Variants in GALNTL6 observed in about 807,000 individuals in gnomAD.
GALNTL6 encodes the protein polypeptide N-acetylgalactosaminyltransferase like 6, also known as polypeptide N-acetylgalactosaminyltransferase-like 6.
In GALNTL6, 46 loss-of-function variants were observed where a neutral mutation model predicts 73.7. The ratio of observed to expected loss-of-function variants is 0.62; its 90% CI spans 0.49 to 0.80. The LOEUF (loss-of-function observed/expected upper bound fraction) is 0.80, where lower values mean the gene tolerates loss of function less well. Among genes scored for constraint, GALNTL6 ranks in the 30% least tolerant of loss-of-function variants. The pLI is 0.00. For synonymous variants in GALNTL6, 259 were observed against 263.7 expected, an observed-to-expected ratio of 0.98 and a Z score of 0.17; for missense variants, 604 against 755.0, an observed-to-expected ratio of 0.80 and a Z score of 2.34.
intron 5 of GALNTL6, among the ~76,000 whole-genome samples, chr4:172,531,678 A>ATGC (rs1264990825): frequency 5.3e-5 from 8 of 152,184 alleles, no homozygotes; most frequent in South Asian, 2.1e-4. Context: ...ATGCATGGTA[A>ATGC]TGCTGCTGGC....
chr4:171,814,668 C>T lies in GALNTL6; in HGVS notation c.88C>T (p.Leu30=). ...IFLPNVGLWS[L]YKDKHLVKSA... The stretch of plus-strand genomic sequence containing the variant: ...CCTGCCTAACGTTGGTCTCTGGTCT[C>T]TGTACAAGGATAAGCACCTGGTGAA... The change falls in exon 2 of 13, where the codon CTG becomes TTG. Residue 30 remains leucine (L), a synonymous_variant. Coordinates refer to ENST00000506823, the MANE Select transcript of GALNTL6 (RefSeq NM_001034845.3). The T allele has an allele frequency of 6.2e-7, 1 of 1,614,122 alleles. No individual in the cohort carries two copies. Among genetic ancestry groups the T allele is most frequent in the African/African-American group, 1.3e-5 (1 of 75,032 alleles).
intron 3 of GALNTL6, among the ~76,000 whole-genome samples, chr4:172,307,090 G>A (rs1414708105): frequency 6.6e-6 from 1 of 152,106 alleles, no homozygotes; most frequent in Non-Finnish European, 1.5e-5. Context: ...CAGTGTAAAA[G>A]TGTTCCTCTT....
At chr4:172,748,653 G>C in intron 5 of GALNTL6, among the ~76,000 whole-genome samples, 1 of 152,076 alleles carries the variant, frequency 6.6e-6, no homozygotes, top group East Asian at 1.9e-4. Context: ...CACATACAAA[G>C]TTACGCTTAG....
At chr4:172,914,335 G>A (rs2219506) in intron 8 of GALNTL6, among the ~76,000 whole-genome samples, 152,046 of 152,344 alleles carry the variant, frequency 1, 75,875 homozygotes, top group Middle Eastern at 1. Flanking sequence ...TAGAAATTGC[G>A]TCAACTAATG....
At chr4:172,630,960 T>A (rs75463612) in intron 5 of GALNTL6, among the ~76,000 whole-genome samples, 1 of 151,492 alleles carries the variant, frequency 6.6e-6, no homozygotes. Flanking sequence ...TAACAAGTAG[T>A]GGTTACAATA....
At chr4:172,653,085 A>G (rs2111156703) in intron 5 of GALNTL6, among the ~76,000 whole-genome samples, 1 of 152,030 alleles carries the variant, frequency 6.6e-6, no homozygotes, top group South Asian at 2.1e-4. Context: ...CACCAGATCC[A>G]GTGGCTTTCT....
intron 10 of GALNTL6, among the ~76,000 whole-genome samples, chr4:172,962,454 T>C (rs1035377667): frequency 2.0e-5 from 3 of 152,254 alleles, no homozygotes; most frequent in Non-Finnish European, 4.4e-5. Flanking sequence ...CAATCCAGTA[T>C]CTGAAAGAGC....
chr4:171,856,540 G>A (rs1237192276), intron 2 of GALNTL6, among the ~76,000 whole-genome samples: 1 of 152,088 alleles, frequency 6.6e-6, no homozygotes, highest in Non-Finnish European at 1.5e-5. Context: ...GAGGTTTATG[G>A]TTTTGAATAT....
chr4:172,377,908 C>T (rs545772540), intron 5 of GALNTL6, among the ~76,000 whole-genome samples: 3 of 151,978 alleles, frequency 2.0e-5, no homozygotes, highest in African/African-American at 4.8e-5. Flanking sequence ...AGATCCCCCC[C>T]CCCATGCCTC....
At chr4:172,151,236 T>C (rs570407899) in intron 2 of GALNTL6, among the ~76,000 whole-genome samples, 1 of 152,292 alleles carries the variant, frequency 6.6e-6, no homozygotes, top group Admixed American at 6.5e-5. Flanking sequence ...AAAGAAAATA[T>C]ATATTCTAAG....
In GALNTL6 at chr4:171,814,704, C is replaced by T; in HGVS notation, c.124C>T (p.Pro42Ser). 6.2e-7 allele frequency: 1 copy of T among 1,613,878 alleles called. No homozygotes were observed. Among genetic ancestry groups the T allele is most frequent in the East Asian group, 2.2e-5 (1 of 44,874 alleles). The change falls in exon 2 of 13, where the codon CCC becomes TCC. Residue 42 changes from proline (P) to serine (S), a missense_variant. Around this residue, in one of 5 missense-constraint regions of GALNTL6, gnomAD observed 141 missense variants for 156.6 expected, o/e 0.90. Transcript: ENST00000506823. ...TAAGCACCTGGTGAAGTCAGCGGAGCCCGGGGAGCAGCAGGTAAGTGCCAC... is the reference window on the plus strand; with the variant it reads ...TAAGCACCTGGTGAAGTCAGCGGAGTCCGGGGAGCAGCAGGTAAGTGCCAC... ...KDKHLVKSAE[P>S]GEQQTFPLGL... is the part of the protein sequence containing the mutation.
chr4:172,210,758 A>G (rs546818612), intron 2 of GALNTL6, among the ~76,000 whole-genome samples: 1 of 152,258 alleles, frequency 6.6e-6, no homozygotes, highest in East Asian at 1.9e-4. Flanking sequence ...CTTAAGGAAT[A>G]AAGAGTTACG....
At chr4:172,329,411 G>T (rs1041601543) in intron 4 of GALNTL6, among the ~76,000 whole-genome samples, 1 of 152,080 alleles carries the variant, frequency 6.6e-6, no homozygotes, top group Non-Finnish European at 1.5e-5. Flanking sequence ...CCATATGCTG[G>T]GTGTCCACTC....
intron 2 of GALNTL6, among the ~76,000 whole-genome samples, chr4:172,187,469 T>C (rs1171029744): frequency 6.6e-6 from 1 of 152,086 alleles, no homozygotes; most frequent in Non-Finnish European, 1.5e-5. Flanking sequence ...ATAGCTCAAA[T>C]TCATTAGTGT....
intron 5 of GALNTL6, among the ~76,000 whole-genome samples, chr4:172,423,985 A>G (rs1731140910): frequency 6.6e-6 from 1 of 152,096 alleles, no homozygotes; most frequent in Non-Finnish European, 1.5e-5. Context: ...TTGTTGAGAT[A>G]CAATTAATGT....
Position 172,020,429 on chromosome 4 carries a change from A to G in GALNTL6, c.138+205711A>G, listed in dbSNP as rs1178698914. 2.0e-5 allele frequency among the ~76,000 whole-genome samples: 3 copies of G among 152,062 alleles called. No homozygotes were observed. The East Asian group carries it at 5.8e-4, about 29-fold the overall frequency. On this transcript the variant is annotated intron_variant, in intron 2 of 12. Coordinates refer to ENST00000506823, the MANE Select transcript of GALNTL6 (RefSeq NM_001034845.3). ...TGAAAAAGCTTTAGCAAGACTAAGA[A>G]AAAAAGAGAGAAAATCCAAATACAT...
At chr4:172,894,510 T>TAA (rs1746217639) in intron 8 of GALNTL6, among the ~76,000 whole-genome samples, 1 of 152,226 alleles carries the variant, frequency 6.6e-6, no homozygotes, top group Non-Finnish European at 1.5e-5. Context: ...AAAGTTTTGC[T>TAA]TTTTATTGAT....
chr4:172,167,107 G>C (rs1427326385), intron 2 of GALNTL6, among the ~76,000 whole-genome samples: 3 of 152,086 alleles, frequency 2.0e-5, no homozygotes, highest in African/African-American at 7.2e-5. Context: ...CTCAATTCTG[G>C]CTGTATAATT....
chr4:172,118,723 C>A (rs78478388), intron 2 of GALNTL6, among the ~76,000 whole-genome samples: 1,642 of 149,248 alleles, frequency 0.011, 28 homozygotes, highest in African/African-American at 0.036. Flanking sequence ...AAAAAAAAAA[C>A]CAAAAAACAA....
Sources: allele counts gnomAD v4.1 joint callset (sites outside exome capture counted in the v4.1 genomes callset), GRCh38; gene constraint gnomAD v4.1.1; regional missense constraint gnomAD v4.1.1; transcripts MANE v1.5; gene names NCBI Gene and HGNC (gene_info 2026-07-23, HGNC 2026-07-21).